PSME4: variants seen among roughly 807,000 people sequenced by gnomAD.
PSME4 encodes proteasome activator complex subunit 4.
In PSME4, 89 loss-of-function variants were observed where a neutral mutation model predicts 253.9. The ratio of observed to expected loss-of-function variants is 0.35; its 90% CI spans 0.30 to 0.42. The LOEUF is 0.42. Among genes scored for constraint, PSME4 ranks in the 10% least tolerant of loss-of-function variants. PSME4 has a pLI of 1.00. For missense variants in PSME4, 2,014 were observed against 2,195.2 expected (o/e 0.92, Z 1.65); for synonymous variants, 851 against 759.2 (o/e 1.12, Z -1.99).
intron 41 of PSME4, among the ~76,000 whole-genome samples, chr2:53,879,344 G>T (rs746103606): frequency 6.6e-6 from 1 of 152,076 alleles, no homozygotes; most frequent in Non-Finnish European, 1.5e-5. Context: ...ATATCCTATC[G>T]TATGAATCAT....
chr2:53,967,233 T>C (rs1327803318), intron 1 of PSME4, among the ~76,000 whole-genome samples: 2 of 152,190 alleles, frequency 1.3e-5, no homozygotes, highest in Non-Finnish European at 1.5e-5. Context: ...TACTTTAAAT[T>C]GTCTGTACAG....
intron 1 of PSME4, among the ~76,000 whole-genome samples, chr2:53,952,662 A>C (rs1024794202): frequency 2.0e-5 from 3 of 152,148 alleles, no homozygotes; most frequent in East Asian, 1.9e-4. Context: ...GCAGTCCCCA[A>C]CCTTTTTGGT....
chr2:53,970,332 G>A (rs1671002824), intron 1 of PSME4, among the ~76,000 whole-genome samples: 1 of 152,172 alleles, frequency 6.6e-6, no homozygotes, highest in African/African-American at 2.4e-5. Context: ...GTAGAGGGAT[G>A]GTAAAGACCC....
At position 53,888,796 on chromosome 2, in the gene PSME4, C is replaced by T. The variant is rs751231126; in HGVS notation, c.4313G>A (p.Arg1438Gln). 9.3e-6 allele frequency: 15 copies of T among 1,611,258 alleles called. No homozygotes were observed. Among genetic ancestry groups the T allele is most frequent in the East Asian group, 2.2e-5 (1 of 44,872 alleles). ...IATSCESRDP[R>Q]KLHWLFELLL... is the part of the protein sequence containing the mutation. ...CAGTTCAAAAAGCCAGTGAAGTTTC[C>T]GGGGATCTCTGCTTTCCTGTGTTTA... Residue 1438 changes from arginine (R) to glutamine (Q), a missense_variant, in exon 38 of 47, where the codon CGG becomes CAG. Transcript: ENST00000404125.
At chr2:53,946,458 T>C (rs1573352916) in intron 3 of PSME4, among the ~76,000 whole-genome samples, 2 of 152,202 alleles carry the variant, frequency 1.3e-5, no homozygotes, top group African/African-American at 4.8e-5. Flanking sequence ...TCATCTGAAA[T>C]GGTGAAGCCA....
chr2:53,881,384 C>A (rs1679383681), intron 41 of PSME4: 1 of 152,160 alleles, frequency 6.6e-6, no homozygotes, highest in Non-Finnish European at 1.5e-5. Context: ...CTGACCACCA[C>A]CATTTGAGCC....
At chr2:53,875,802 T>A (rs766067362) in intron 41 of PSME4, 47 bp from the exon 42 acceptor site, 1 of 1,572,424 alleles carries the variant, frequency 6.4e-7, no homozygotes, top group Non-Finnish European at 8.7e-7. Flanking sequence ...TAATTGCCAA[T>A]AAGTACAAAG....
At chr2:53,867,886 G>C (rs192721660) in intron 44 of PSME4, among the ~76,000 whole-genome samples, 6 of 152,060 alleles carry the variant, frequency 3.9e-5, no homozygotes. Context: ...TCTTAAAACA[G>C]AGAATTGCAG....
intron 20 of PSME4, among the ~76,000 whole-genome samples, chr2:53,915,655 T>G (rs976782870): frequency 6.6e-6 from 1 of 152,046 alleles, no homozygotes; most frequent in Admixed American, 6.6e-5. Context: ...GTACTCTTCT[T>G]CCAGAAGACA....
intron 3 of PSME4, among the ~76,000 whole-genome samples, chr2:53,946,899 G>A (rs997091826): frequency 8.6e-5 from 13 of 151,818 alleles, no homozygotes; most frequent in African/African-American, 2.9e-4. Context: ...AGGCAACAGA[G>A]CAACCCTGAA....
intron 1 of PSME4, among the ~76,000 whole-genome samples, chr2:53,956,116 C>G (rs886603343): frequency 2.0e-5 from 3 of 152,032 alleles, no homozygotes; most frequent in African/African-American, 7.2e-5. Context: ...AACCACATCT[C>G]TACAAAAAAT....
intron 41 of PSME4, among the ~76,000 whole-genome samples, chr2:53,877,205 T>A (rs940332821): frequency 7.0e-6 from 1 of 143,104 alleles, no homozygotes; most frequent in Non-Finnish European, 1.5e-5. Context: ...GGAGGGATTC[T>A]CATGAGGCTG....
chr2:53,922,820 T>C (rs998441786), intron 16 of PSME4, among the ~76,000 whole-genome samples: 1 of 152,168 alleles, frequency 6.6e-6, no homozygotes, highest in Non-Finnish European at 1.5e-5. Flanking sequence ...AAATAACTGA[T>C]ATTTTTGAAG....
chr2:53,960,128 G>A (rs1216871533), intron 1 of PSME4, among the ~76,000 whole-genome samples: 3 of 152,180 alleles, frequency 2.0e-5, no homozygotes, highest in Admixed American at 6.5e-5. Flanking sequence ...GGCCAGGCAT[G>A]GTGGCTCACG....
At chr2:53,891,957 C>A (rs371596910) in intron 36 of PSME4, among the ~76,000 whole-genome samples, 2 of 151,550 alleles carry the variant, frequency 1.3e-5, no homozygotes, top group East Asian at 3.9e-4. Context: ...GGAAGGAATT[C>A]TTCAATCAGC....
In PSME4 at chr2:53,937,519, G is replaced by A. The variant is rs765863056; in HGVS notation, c.567C>T (p.Thr189=). Residue 189 remains threonine (T), a synonymous_variant, in exon 5 of 47, where the codon ACC becomes ACT. Transcript: ENST00000404125. ...GTCGCCATTCTTCTAGCATCTCAGC[G>A]GTGGCATCTGCTGGAAAATATCTAA... ...SCRPYFPADA[T]AEMLEEWRPL... is the part of the protein sequence containing the mutation. The A allele has an allele frequency of 2.5e-5, 40 of 1,609,936 alleles. No individual in the cohort carries two copies. The highest frequency in any genetic ancestry group is 4.0e-5 in the African/African-American group (3 of 74,564).
chr2:53,966,257 C>A (rs1670731268), intron 1 of PSME4, among the ~76,000 whole-genome samples: 2 of 152,112 alleles, frequency 1.3e-5, no homozygotes, highest in Admixed American at 6.5e-5. Context: ...GCACTCCAGC[C>A]TGGATGACAG....
chr2:53,940,984 T>TATACATATTTAA (rs1669421451), intron 3 of PSME4, among the ~76,000 whole-genome samples: 1 of 68,582 alleles, frequency 1.5e-5, no homozygotes, highest in African/African-American at 4.1e-5. Flanking sequence ...TATATATATA[T>TATACATATTTAA]ATATATATAT....
intron 20 of PSME4, among the ~76,000 whole-genome samples, chr2:53,916,241 CAAAAAAA>C (rs10685516): frequency 9.6e-6 from 1 of 104,666 alleles, no homozygotes; most frequent in Non-Finnish European, 1.8e-5. Flanking sequence ...GACTCTGTCT[CAAAAAAA>C]AAAAAAAAAA....
Sources: allele counts gnomAD v4.1 joint callset (sites outside exome capture counted in the v4.1 genomes callset), GRCh38; gene constraint gnomAD v4.1.1; transcripts MANE v1.5; gene names NCBI Gene and HGNC (gene_info 2026-07-23, HGNC 2026-07-21).